The following ABCB4 variants were observed in gnomAD, a reference collection of about 807,000 sequenced individuals.
ABCB4 encodes the protein ATP binding cassette subfamily B member 4.
ABCB4 carries 76 observed loss-of-function variants against 145.7 expected under a neutral mutation model. The ratio of observed to expected loss-of-function variants is 0.52; its 90% confidence interval spans 0.43 to 0.63. ABCB4 has a LOEUF of 0.63. ABCB4 is among the 30% of genes least tolerant of loss of function. The pLI is 0.00. For synonymous variants in ABCB4, 517 were observed against 566.8 expected, an observed-to-expected ratio of 0.91 and a Z score of 1.25; for missense variants, 1,234 against 1,553.1, an observed-to-expected ratio of 0.79 and a Z score of 3.45.
At chr7:87,463,246 AACAC>A (rs56747933) in intron 3 of ABCB4, among the ~76,000 whole-genome samples, 7,851 of 148,100 alleles carry the variant, frequency 0.053, 672 homozygotes, top group African/African-American at 0.18. Flanking sequence ...ATTAAGTTTA[AACAC>A]ACACACACAC....
chr7:87,383,690 T>C, the ABCB4 span, among the ~76,000 whole-genome samples: 1 of 151,934 alleles, frequency 6.6e-6, no homozygotes, highest in Non-Finnish European at 1.5e-5. Flanking sequence ...AGAGATGGGG[T>C]TTCGTCGTGT....
At chr7:87,391,378 C>T in the ABCB4 span, among the ~76,000 whole-genome samples, 3 of 152,164 alleles carry the variant, frequency 2.0e-5, no homozygotes, top group African/African-American at 7.2e-5. Context: ...TATGACCTGA[C>T]AGCAGCCACG....
chr7:87,369,166 G>A, the ABCB4 span, among the ~76,000 whole-genome samples: 3 of 152,126 alleles, frequency 2.0e-5, no homozygotes, highest in African/African-American at 4.8e-5. Flanking sequence ...ATTTCTAGAT[G>A]TCTCACATGG....
chr7:87,414,150 T>C (rs545842235), intron 21 of ABCB4, among the ~76,000 whole-genome samples: 1 of 152,324 alleles, frequency 6.6e-6, no homozygotes, highest in African/African-American at 2.4e-5. Context: ...TCCCTGAGTA[T>C]AACTTCTTAT....
rs1809493739 is a variant in ABCB4, at chr7:87,422,222, A to C, written c.2215T>G (p.Phe739Val). 1 of 1,611,768 alleles carries C rather than the reference A, an allele frequency of 6.2e-7. No individual in the cohort carries two copies. The highest frequency in any genetic ancestry group is 1.3e-5 in the African/African-American group (1 of 74,868). The change falls in exon 18 of 28, where the codon TTT becomes GTT. Residue 739 changes from phenylalanine (F) to valine (V), a missense_variant. Around this residue, in one of 7 missense-constraint regions of ABCB4, gnomAD observed 321 missense variants for 332.6 expected, o/e 0.97. Transcript: ENST00000649586. ...SVIFSEIIAI[F>V]GPGDDAVKQQ... ...TTCACTGCATCATCGCCTGGTCCAA[A>C]AATCTACAAAAGAATATTTAAAACG...
At chr7:87,388,571 A>G in the ABCB4 span, among the ~76,000 whole-genome samples, 3 of 152,344 alleles carry the variant, frequency 2.0e-5, no homozygotes, top group Non-Finnish European at 2.9e-5. Context: ...CTGGCTAGCC[A>G]TTTGCAGAAA....
the ABCB4 span, among the ~76,000 whole-genome samples, chr7:87,366,665 G>A: frequency 7.0e-3 from 1,059 of 152,076 alleles, 13 homozygotes; most frequent in African/African-American, 0.024. Flanking sequence ...CTACTTCCCC[G>A]TCTTCACTTC....
At chr7:87,472,707 CTG>C (rs771750328) in intron 2 of ABCB4, 32 bp from the exon 3 acceptor site, 3 of 1,443,320 alleles carry the variant, frequency 2.1e-6, no homozygotes, top group Non-Finnish European at 2.9e-6. Context: ...CAATTTAAAA[CTG>C]TTACAAAATG....
the ABCB4 span, chr7:87,382,110 G>A: frequency 1.9e-6 from 3 of 1,613,378 alleles, no homozygotes; most frequent in East Asian, 6.7e-5. Flanking sequence ...ACTTCCAGAA[G>A]AGCTCATTTT....
chr7:87,429,158 C>T lies in ABCB4; in HGVS notation c.1894-2238G>A, dbSNP rs568670290. ...TCAGGCTCACAGTGGGTCTTTCCCT[C>T]ATCTCTCCAGCCTCACCAAGTAAGT... On this transcript the variant is annotated intron_variant, in intron 15 of 27. Transcript: ENST00000649586. Among the ~76,000 whole-genome samples the T allele has an allele frequency of 4.6e-5, 7 of 152,320 alleles. No individual in the cohort carries two copies. In the South Asian group the frequency reaches 1.2e-3, roughly 27 times the overall value.
chr7:87,451,148 T>C (rs1159286292), intron 7 of ABCB4, among the ~76,000 whole-genome samples: 1 of 151,964 alleles, frequency 6.6e-6, no homozygotes. Context: ...AATTTTTTTT[T>C]TTTTTGAGAT....
chr7:87,375,542 A>T, the ABCB4 span: 2 of 842,756 alleles, frequency 2.4e-6, no homozygotes, highest in Non-Finnish European at 3.8e-6. Flanking sequence ...CCAAACATTT[A>T]AATATTGATC....
Position 87,426,841 on chromosome 7 carries a change from C to A in ABCB4, c.1973G>T (p.Trp658Leu). The A allele has an allele frequency of 6.2e-7, 1 of 1,613,926 alleles. No individual in the cohort carries two copies. Among genetic ancestry groups the A allele is most frequent in the South Asian group, 1.1e-5 (1 of 91,072 alleles). Residue 658 changes from tryptophan (W) to leucine (L), a missense_variant, in exon 16 of 28, where the codon TGG becomes TTG. Physicochemically the swap from Trp to Leu is moderately conservative, Grantham distance 61 (BLOSUM62 -2). Around this residue, in one of 7 missense-constraint regions of ABCB4, gnomAD observed 321 missense variants for 332.6 expected, o/e 0.97. Transcript: ENST00000649586. ...AGAATGCCTAAATAGGCGAGATTTC[C>A]AGCCATTTGGGGCCATTCTAGTGGC... The part of the protein sequence containing the change: ...KAATRMAPNG[W>L]KSRLFRHSTQ...
At chr7:87,443,287 C>T (rs201271748) in intron 12 of ABCB4, 32 bp downstream of exon 12, 35 of 1,613,478 alleles carry the variant, frequency 2.2e-5, no homozygotes, top group Non-Finnish European at 3.0e-5. Context: ...ATCCAGCTTC[C>T]CACTCTGGAA....
chr7:87,369,282 G>A, the ABCB4 span: 2 of 722,286 alleles, frequency 2.8e-6, no homozygotes, highest in Non-Finnish European at 4.7e-6. Context: ...ATAAAATACT[G>A]GAAGAATGCC....
chr7:87,386,601 T>C, the ABCB4 span, among the ~76,000 whole-genome samples: 3 of 152,176 alleles, frequency 2.0e-5, no homozygotes, highest in Non-Finnish European at 4.4e-5. Flanking sequence ...GTCAAAAAAT[T>C]GACTTTTGGA....
rs974703738 is a variant in ABCB4, at chr7:87,431,670, G to A, written c.1732-105C>T. ...TGAATGCTGTTTGTAGATGATTAGA[G>A]AGTAGTTTATACTCCAGATCTCTGC... is the stretch of plus-strand genomic sequence containing the variant. On this transcript the variant is annotated intron_variant, in intron 14 of 27. Transcript: ENST00000649586. 2.8e-6 allele frequency: 4 copies of A among 1,426,090 alleles called. No individual in the cohort carries two copies. The African/African-American group carries it at 4.2e-5, about 15-fold the overall frequency. The allele number at this position is 1,426,090 out of a possible 1,614,324, so 88.3% of individuals were successfully genotyped here.
the ABCB4 span, chr7:87,376,008 T>C: frequency 6.7e-7 from 1 of 1,487,706 alleles, no homozygotes; most frequent in Non-Finnish European, 9.0e-7. Context: ...GGAAGACTCA[T>C]ATTTATTGAA....
chr7:87,410,479 C>G (rs1029046324), intron 23 of ABCB4, among the ~76,000 whole-genome samples: 1 of 152,018 alleles, frequency 6.6e-6, no homozygotes, highest in Non-Finnish European at 1.5e-5. Flanking sequence ...CCCTGTACTG[C>G]CTAAAGCTGT....
Sources: gnomAD v4.1 joint callset for allele counts (sites outside exome capture counted in the v4.1 genomes callset) on GRCh38, gnomAD v4.1.1 for gene constraint, gnomAD v4.1.1 regional missense constraint, MANE v1.5 for transcripts, NCBI Gene and HGNC (gene_info 2026-07-23, HGNC 2026-07-21) for gene names.